The following CDH12 variants were observed in gnomAD, a reference collection of about 807,000 sequenced individuals.
The protein encoded by CDH12 is cadherin 12.
In CDH12, 41 loss-of-function variants were observed where a neutral mutation model predicts 74.1. That is an observed-to-expected ratio of 0.55 (90% CI 0.43 to 0.72). The LOEUF (loss-of-function observed/expected upper bound fraction) is 0.72, where lower values mean the gene tolerates loss of function less well. Ranked by LOEUF, CDH12 falls within the 30% of genes least tolerant of loss-of-function variation. The pLI, the probability that CDH12 is intolerant of heterozygous loss-of-function variation, is 0.00. For synonymous variants in CDH12, 399 were observed against 355.0 expected (o/e 1.12, Z -1.39); for missense variants, 945 against 977.2 (o/e 0.97, Z 0.44).
chr5:22,601,445 A>G (rs1450341748), intron 1 of CDH12, among the ~76,000 whole-genome samples: 1 of 152,088 alleles, frequency 6.6e-6, no homozygotes, highest in Non-Finnish European at 1.5e-5. Flanking sequence ...TGCAGAACTC[A>G]TAGAAAATTA....
rs573890240 is a variant in CDH12, at chr5:21,768,238, C to T, written c.1394-3139G>A. Among the ~76,000 whole-genome samples the T allele has an allele frequency of 2.6e-4, 39 of 151,854 alleles. No homozygotes were observed. The South Asian group carries it at 6.6e-3, about 26-fold the overall frequency. ...ATTGCCTATATTTAATAGCTAGTTACTAATTTGAGGCTCATATCAGATAAC... is the reference window on the plus strand; with the variant it reads ...ATTGCCTATATTTAATAGCTAGTTATTAATTTGAGGCTCATATCAGATAAC... On this transcript the variant is annotated intron_variant, in intron 11 of 14. Transcript: ENST00000382254.
chr5:22,845,420 G>T (rs985841589), intron 1 of CDH12, among the ~76,000 whole-genome samples: 1 of 151,964 alleles, frequency 6.6e-6, no homozygotes, highest in African/African-American at 2.4e-5. Context: ...CCTTTAATAG[G>T]CATACTTTTG....
Position 22,829,847 on chromosome 5 carries a change from T to G in CDH12, c.-523+23211A>C, listed in dbSNP as rs550588776. Among the ~76,000 whole-genome samples, 7 of 152,242 alleles carry G rather than the reference T, an allele frequency of 4.6e-5. No individual in the cohort carries two copies. The South Asian group carries it at 8.3e-4, about 18-fold the overall frequency. On this transcript the variant is annotated intron_variant, in intron 1 of 14. Coordinates refer to ENST00000382254, the MANE Select transcript of CDH12 (RefSeq NM_004061.5). ...GTTAACTGGTAGACACACCTGAGCA[T>G]GAGAATAAAAGTTGGTTGTGGATGG...
At chr5:22,797,299 C>A (rs1748280076) in intron 1 of CDH12, among the ~76,000 whole-genome samples, 2 of 151,926 alleles carry the variant, frequency 1.3e-5, no homozygotes, top group African/African-American at 2.4e-5. Context: ...CATCAGACAC[C>A]AGAGCTGACA....
intron 2 of CDH12, among the ~76,000 whole-genome samples, chr5:22,426,551 A>G (rs1743950210): frequency 6.6e-6 from 1 of 152,142 alleles, no homozygotes; most frequent in South Asian, 2.1e-4. Context: ...GCCTTCAAAA[A>G]AGGTAAGTCA....
intron 5 of CDH12, among the ~76,000 whole-genome samples, chr5:22,034,279 C>T (rs968508492): frequency 6.6e-6 from 1 of 152,186 alleles, no homozygotes; most frequent in African/African-American, 2.4e-5. Flanking sequence ...AGGTAATCTG[C>T]CCACCTCGGC....
intron 1 of CDH12, among the ~76,000 whole-genome samples, chr5:22,595,090 A>G (rs1736537018): frequency 6.6e-6 from 1 of 152,208 alleles, no homozygotes; most frequent in African/African-American, 2.4e-5. Context: ...ATTTTAATGG[A>G]AGTCCATACA....
intron 7 of CDH12, among the ~76,000 whole-genome samples, chr5:21,850,900 A>AT (rs1003798528): frequency 4.0e-5 from 6 of 151,500 alleles, no homozygotes; most frequent in Non-Finnish European, 1.5e-5. Context: ...TAAAGGACGT[A>AT]TTTTTCACAA....
intron 4 of CDH12, among the ~76,000 whole-genome samples, chr5:22,155,235 C>G (rs911314156): frequency 4.0e-5 from 6 of 151,880 alleles, no homozygotes; most frequent in African/African-American, 1.5e-4. Context: ...GTAACATGAC[C>G]AAATAATGAG....
intron 3 of CDH12, among the ~76,000 whole-genome samples, chr5:22,343,048 T>C (rs1739944693): frequency 6.6e-6 from 1 of 151,674 alleles, no homozygotes; most frequent in African/African-American, 2.4e-5. Flanking sequence ...AGAGACGGGG[T>C]TTCACTATGT....
chr5:22,134,134 T>C (rs1302340868), intron 4 of CDH12, among the ~76,000 whole-genome samples: 3 of 152,096 alleles, frequency 2.0e-5, no homozygotes, highest in African/African-American at 7.2e-5. Context: ...TTTACCAAGC[T>C]AGCGTGACCA....
At position 22,444,018 on chromosome 5, in the gene CDH12, T is replaced by A. The variant is rs566381783; in HGVS notation, c.-427-38667A>T. ...AAATGTAGAAGAGCAACAATAGGAT[T>A]GAGTGATTATCAATTTTCAAAGCAA... On this transcript the variant is annotated intron_variant, in intron 2 of 14. Coordinates refer to ENST00000382254, the MANE Select transcript of CDH12 (RefSeq NM_004061.5). Among the ~76,000 whole-genome samples the A allele has an allele frequency of 4.6e-5, 7 of 152,196 alleles. No homozygotes were observed. In the South Asian group the frequency reaches 1.4e-3, roughly 32 times the overall value.
chr5:22,569,487 A>G (rs1739442399), intron 1 of CDH12, among the ~76,000 whole-genome samples: 1 of 152,126 alleles, frequency 6.6e-6, no homozygotes, highest in African/African-American at 2.4e-5. Context: ...ACCTCTTTTC[A>G]TTATAAGTTA....
chr5:22,506,238 G>A (rs1736381682), intron 1 of CDH12, among the ~76,000 whole-genome samples: 2 of 152,022 alleles, frequency 1.3e-5, no homozygotes, highest in South Asian at 2.1e-4. Context: ...TTTGCTGGAG[G>A]GGAAAATGAC....
chr5:22,398,800 T>C (rs1742579226), intron 3 of CDH12, among the ~76,000 whole-genome samples: 1 of 152,116 alleles, frequency 6.6e-6, no homozygotes, highest in South Asian at 2.1e-4. Flanking sequence ...TCTTTGTACA[T>C]TCCAAAATAA....
intron 1 of CDH12, among the ~76,000 whole-genome samples, chr5:22,800,971 A>C (rs1364115805): frequency 6.6e-6 from 1 of 152,100 alleles, no homozygotes; most frequent in Non-Finnish European, 1.5e-5. Context: ...GTTGCTTCTA[A>C]GCATCCATAA....
At chr5:22,429,807 A>G (rs138416235) in intron 2 of CDH12, among the ~76,000 whole-genome samples, 1 of 152,292 alleles carries the variant, frequency 6.6e-6, no homozygotes, top group East Asian at 1.9e-4. Flanking sequence ...ACAAATTTGG[A>G]AGTTGCTAGG....
At chr5:21,897,194 A>G (rs1323140271) in intron 6 of CDH12, among the ~76,000 whole-genome samples, 2 of 152,198 alleles carry the variant, frequency 1.3e-5, no homozygotes, top group African/African-American at 4.8e-5. Flanking sequence ...CCCTATGCCT[A>G]ACATTCACAG....
chr5:22,827,844 G>A (rs1384200831), intron 1 of CDH12, among the ~76,000 whole-genome samples: 1 of 152,160 alleles, frequency 6.6e-6, no homozygotes, highest in Non-Finnish European at 1.5e-5. Context: ...ACTGCAATGA[G>A]TGCTCAGGGT....
Sources: gnomAD v4.1 joint callset for allele counts (sites outside exome capture counted in the v4.1 genomes callset) on GRCh38, gnomAD v4.1.1 for gene constraint, MANE v1.5 for transcripts, NCBI Gene and HGNC (gene_info 2026-07-23, HGNC 2026-07-21) for gene names.